MEAK7: variants seen among roughly 807,000 people sequenced by gnomAD.
MEAK7 encodes the protein MTOR-associated protein MEAK7.
A neutral mutation model predicts 40.5 loss-of-function variants in MEAK7; 68 were observed. The ratio of observed to expected loss-of-function variants is 1.68; its 90% CI spans 1.38 to 2.06. The LOEUF is 2.06. MEAK7 is among the 30% of genes most tolerant of loss of function. The pLI, the probability that MEAK7 is intolerant of heterozygous loss-of-function variation, is 0.00. For missense variants in MEAK7, 918 were observed against 580.5 expected (o/e 1.58, Z -5.98); for synonymous variants, 338 against 231.9 (o/e 1.46, Z -4.16).
At chr16:84,491,621 G>A (rs1274237680) in intron 3 of MEAK7, among the ~76,000 whole-genome samples, 3 of 150,524 alleles carry the variant, frequency 2.0e-5, no homozygotes, top group Admixed American at 1.3e-4. Flanking sequence ...GGTGGATCAC[G>A]AGGTCAGGAG....
In MEAK7 at chr16:84,495,796, A is replaced by C. The variant is rs1913992931; in HGVS notation, c.271T>G (p.Phe91Val). The change falls in exon 3 of 8, where the codon TTC becomes GTC. Residue 91 changes from phenylalanine (F) to valine (V), a missense_variant. Coordinates refer to ENST00000343629, the MANE Select transcript of MEAK7 (RefSeq NM_020947.4). ...GPSENVSQEQ[F>V]TASMSHLLKG... ...AACAGGTGGGACATGGATGCTGTGAACTGCTCCTGGGACACGTTCTCACTG... is the reference window on the plus strand; with the variant it reads ...AACAGGTGGGACATGGATGCTGTGACCTGCTCCTGGGACACGTTCTCACTG... 1.2e-6 allele frequency: 2 copies of C among 1,613,864 alleles called. No homozygotes were observed. The highest frequency in any genetic ancestry group is 2.2e-5 in the East Asian group (1 of 44,870).
intron 1 of MEAK7, among the ~76,000 whole-genome samples, chr16:84,503,168 T>C (rs1914636962): frequency 6.6e-6 from 1 of 151,826 alleles, no homozygotes; most frequent in African/African-American, 2.4e-5. Flanking sequence ...TAAAACCCAC[T>C]AACAATAACT....
intron 4 of MEAK7, chr16:84,488,001 G>A (rs562680771): frequency 3.3e-5 from 5 of 152,270 alleles, no homozygotes; most frequent in Admixed American, 2.0e-4. Context: ...AATATTTTGT[G>A]TAACTCAGGC....
intron 1 of MEAK7, chr16:84,502,816 G>C (rs1367880137): frequency 1.3e-5 from 2 of 152,196 alleles, no homozygotes; most frequent in African/African-American, 4.8e-5. Flanking sequence ...GTCGCAGTGA[G>C]CCAAGATCAC....
In MEAK7 at chr16:84,495,718, T is replaced by C. The variant is rs921755480; in HGVS notation, c.349A>G (p.Thr117Ala). Residue 117 changes from threonine to alanine, a missense_variant, in exon 3 of 8, where the codon ACA becomes GCA. Physicochemically the swap from Thr to Ala is moderately conservative, Grantham distance 58. Coordinates refer to ENST00000343629, the MANE Select transcript of MEAK7 (RefSeq NM_020947.4). ...SLMIMKMISA[T>A]EGPVKAREVQ... ...TCTCTGGCCTTCACGGGACCTTCTG[T>C]GGCAGAAATCATTTTCATAATCATG... is the stretch of plus-strand genomic sequence containing the variant. 4 of 1,614,052 alleles carry C rather than the reference T, an allele frequency of 2.5e-6. No individual in the cohort carries two copies. In the African/African-American group the frequency reaches 5.3e-5, roughly 22 times the overall value.
At chr16:84,480,876 G>A (rs938856659) in intron 6 of MEAK7, among the ~76,000 whole-genome samples, 168 bp from the exon 7 acceptor site, 6 of 152,156 alleles carry the variant, frequency 3.9e-5, no homozygotes, top group East Asian at 1.9e-4. Context: ...ATCAATTACT[G>A]CCATTTAAGC....
At position 84,481,936 on chromosome 16, in the gene MEAK7, G is replaced by A. The variant is rs376054401; in HGVS notation, c.1077+656C>T. On this transcript the variant is annotated intron_variant, in intron 6 of 7. Transcript: ENST00000343629. Reference sequence around the variant, plus strand: ...ACAAGAGTGGACTCCATCTCAAAAAGAAAAAAAAGAAAAGAAAAGAGCTTT... The same window carrying A: ...ACAAGAGTGGACTCCATCTCAAAAAAAAAAAAAAGAAAAGAAAAGAGCTTT... Among the ~76,000 whole-genome samples the A allele has an allele frequency of 9.2e-4, 139 of 151,588 alleles. 1 individual carries two copies. Among genetic ancestry groups the A allele is most frequent in the Middle Eastern group, 3.4e-3 (1 of 294 alleles).
chr16:84,482,697 G>A lies in MEAK7; in HGVS notation c.972C>T (p.Cys324=). 1.9e-6 allele frequency: 3 copies of A among 1,614,200 alleles called. No individual in the cohort carries two copies. The highest frequency in any genetic ancestry group is 2.5e-6 in the Non-Finnish European group (3 of 1,180,016). ...TGCTGGGGCAGATGGAGAACAGGAA[G>A]CATCTGTTGTCCCCTGAAAGTAGCC... The part of the protein sequence containing the change: ...VKPQFQGDNR[C]FLFSICPSMA... The change falls in exon 6 of 8, where the codon TGC becomes TGT. Residue 324 remains cysteine, a synonymous_variant. Transcript: ENST00000343629.
intron 3 of MEAK7, among the ~76,000 whole-genome samples, chr16:84,491,513 T>C (rs1913600149): frequency 7.7e-6 from 1 of 129,706 alleles, no homozygotes; most frequent in Non-Finnish European, 1.6e-5. Context: ...CACTCCAGAC[T>C]GGGCAACGGA....
intron 4 of MEAK7, chr16:84,487,643 A>C (rs1913206580): frequency 6.5e-6 from 1 of 153,798 alleles, no homozygotes; most frequent in Admixed American, 6.4e-5. Context: ...TTATCTGGGA[A>C]GTGCGGGTTT....
chr16:84,486,964 A>G lies in MEAK7; in HGVS notation c.625T>C (p.Phe209Leu), dbSNP rs1913137597. The G allele has an allele frequency of 1.2e-6, 2 of 1,614,070 alleles. No individual in the cohort carries two copies. Residue 209 changes from phenylalanine to leucine, a missense_variant, in exon 5 of 8, where the codon TTC (phenylalanine) becomes CTC (leucine). Phe to Leu is a conservative substitution (Grantham distance 22). Coordinates refer to ENST00000343629, the MANE Select transcript of MEAK7 (RefSeq NM_020947.4). Reference protein sequence around the residue: ...WVFRVPHVAIFLSVVICKGFL... With the variant: ...WVFRVPHVAILLSVVICKGFL... ...CCCTTGCAAATGACCACACTCAGGA[A>G]TATGGCCACATGGGGGACCCTGAAC...
rs1213470948 is a variant in MEAK7 at position 84,489,373 on chromosome 16, T to A, written c.434A>T (p.Gln145Leu). ...CTTCCCAGTCCAGCCTCTCAGCTCC[T>A]GTCTGTGGCTTAGCACGTGCACCAC... ...GSVVHVLSHR[Q>L]ELRGWTGKEA... The change falls in exon 4 of 8, where the codon CAG becomes CTG. Residue 145 changes from glutamine to leucine, a missense_variant. Gln to Leu is a moderately radical substitution (Grantham distance 113). Coordinates refer to ENST00000343629, the MANE Select transcript of MEAK7 (RefSeq NM_020947.4). The A allele has an allele frequency of 1.2e-6, 2 of 1,614,166 alleles. No homozygotes were observed. The highest frequency in any genetic ancestry group is 4.5e-5 in the East Asian group (2 of 44,864).
chr16:84,482,697 G>C lies in MEAK7; in HGVS notation c.972C>G (p.Cys324Trp), dbSNP rs750658411. ...TGCTGGGGCAGATGGAGAACAGGAA[G>C]CATCTGTTGTCCCCTGAAAGTAGCC... ...VKPQFQGDNR[C>W]FLFSICPSMA... The change falls in exon 6 of 8, where the codon TGC (cysteine) becomes TGG (tryptophan). Residue 324 changes from cysteine to tryptophan, a missense_variant. By Grantham distance (215) the Cys-to-Trp change is radical. Transcript: ENST00000343629. 14 of 1,614,082 alleles carry C rather than the reference G, an allele frequency of 8.7e-6. No homozygotes were observed. The highest frequency in any genetic ancestry group is 2.7e-5 in the African/African-American group (2 of 74,946).
At chr16:84,497,653 G>C in intron 2 of MEAK7, 2 of 1,424,380 alleles carry the variant, frequency 1.4e-6, no homozygotes, top group Non-Finnish European at 1.9e-6. Context: ...CCTTTCTGTA[G>C]TACAGATAAG....
chr16:84,485,287 A>T (rs1912934796), intron 5 of MEAK7, among the ~76,000 whole-genome samples: 1 of 152,212 alleles, frequency 6.6e-6, no homozygotes, highest in Admixed American at 6.5e-5. Flanking sequence ...AACTAAGATA[A>T]AGATCTAGAA....
In MEAK7 at chr16:84,478,855, G is replaced by C. The variant is rs889241410; in HGVS notation, c.*1058C>G. ...GGCCAGCACCGAGGCCTAGACAGCT[G>C]TGACTCAGGTGCTGGTTCCCAGAGG... On this transcript the variant is annotated 3_prime_UTR_variant, in exon 8 of 8. Transcript: ENST00000343629. 2.0e-5 allele frequency: 3 copies of C among 152,280 alleles called. No individual in the cohort carries two copies. The highest frequency in any genetic ancestry group is 2.0e-4 in the Admixed American group (3 of 15,282). The allele number at this position is 152,280 out of a possible 1,614,324, so 9.4% of individuals were successfully genotyped here. A position where few individuals can be genotyped will look rare whatever the true frequency, so the allele number is the denominator to read the frequency against.
chr16:84,492,378 A>G (rs1369752722), intron 3 of MEAK7, among the ~76,000 whole-genome samples: 1 of 152,142 alleles, frequency 6.6e-6, no homozygotes, highest in East Asian at 1.9e-4. Context: ...AGATTTGTTT[A>G]TAAGACTTCA....
Position 84,479,420 on chromosome 16 carries a change from C to T in MEAK7, c.*493G>A, listed in dbSNP as rs1459806794. On this transcript the variant is annotated 3_prime_UTR_variant, in exon 8 of 8. Transcript: ENST00000343629. ...TGCCAGCGGAATTCCCTAATGCCAG[C>T]GGAATTCCCTAATGCCAGCGGAATT... The T allele has an allele frequency of 6.7e-6, 1 of 149,582 alleles. No homozygotes were observed. Among genetic ancestry groups the T allele is most frequent in the Admixed American group, 6.7e-5 (1 of 14,990 alleles). 9.3% of individuals were successfully genotyped at this position (149,582 alleles called of 1,614,324 possible).
chr16:84,489,320 G>C lies in MEAK7; in HGVS notation c.487C>G (p.Gln163Glu). 1 of 1,614,174 alleles carries C rather than the reference G, an allele frequency of 6.2e-7. No homozygotes were observed. Among genetic ancestry groups the C allele is most frequent in the East Asian group, 2.2e-5 (1 of 44,866 alleles). ...GAGAGCAGCTGAGCAGCCAGCACCT[G>C]CACCCGGGGGTTGGGCCCTGGGGCT... ...KEAPGPNPRV[Q>E]VLAAQLLSDM... The change falls in exon 4 of 8, where the codon CAG (glutamine) becomes GAG (glutamate). Residue 163 changes from glutamine to glutamate, a missense_variant. By Grantham distance (29) the Gln-to-Glu change is conservative (BLOSUM62 2). Transcript: ENST00000343629.
Sources: allele counts gnomAD v4.1 joint callset (sites outside exome capture counted in the v4.1 genomes callset), GRCh38; gene constraint gnomAD v4.1.1; transcripts MANE v1.5; gene names NCBI Gene and HGNC (gene_info 2026-07-23, HGNC 2026-07-21).